Variants in ACSS2 observed in about 807,000 individuals in gnomAD.
ACSS2 encodes the protein acyl-CoA synthetase short chain family member 2.
Under a neutral mutation model 90.6 loss-of-function variants are expected in ACSS2, and 58 were observed. The ratio of observed to expected loss-of-function variants is 0.64; its 90% confidence interval spans 0.52 to 0.80. The LOEUF is 0.80. Ranked by LOEUF, ACSS2 falls within the 30% of genes least tolerant of loss-of-function variation. The pLI is 0.00. For synonymous variants in ACSS2, 300 were observed against 330.9 expected (o/e 0.91, Z 1.01); for missense variants, 759 against 912.0 (o/e 0.83, Z 2.16).
chr20:34,911,735 T>G (rs531742733), intron 2 of ACSS2, among the ~76,000 whole-genome samples: 1 of 152,368 alleles, frequency 6.6e-6, no homozygotes, highest in South Asian at 2.1e-4. Flanking sequence ...ATATTTGTTA[T>G]TTGTTTATTA....
chr20:34,903,753 G>T (rs1008321936), intron 2 of ACSS2, among the ~76,000 whole-genome samples: 1 of 151,706 alleles, frequency 6.6e-6, no homozygotes, highest in Non-Finnish European at 1.5e-5. Context: ...TATAAAGAGG[G>T]GAGCTGGGTG....
intron 2 of ACSS2, among the ~76,000 whole-genome samples, chr20:34,895,107 T>C (rs983378456): frequency 1.9e-4 from 29 of 152,332 alleles, no homozygotes; most frequent in Admixed American, 5.9e-4. Context: ...CTTAAAATTA[T>C]ATACCTAAAA....
At chr20:34,898,465 G>A (rs570898076) in intron 2 of ACSS2, among the ~76,000 whole-genome samples, 2 of 152,258 alleles carry the variant, frequency 1.3e-5, no homozygotes, top group East Asian at 3.9e-4. Flanking sequence ...GTCAATTGGT[G>A]CATTCACAAA....
Position 34,913,202 on chromosome 20 carries a change from G to A in ACSS2, c.466+15G>A, listed in dbSNP as rs372789849. On this transcript the variant is annotated intron_variant, in intron 3 of 17. Coordinates refer to ENST00000360596, the MANE Select transcript of ACSS2 (RefSeq NM_018677.4). ...CCGAAAACAGGGTGAGTGTGGGGGTGTGGGAAAGGACTGGGGGTCTGGCCT... is the reference window on the plus strand; with the variant it reads ...CCGAAAACAGGGTGAGTGTGGGGGTATGGGAAAGGACTGGGGGTCTGGCCT... 223 of 1,613,388 alleles carry A rather than the reference G, an allele frequency of 1.4e-4. No individual in the cohort carries two copies. Among genetic ancestry groups the A allele is most frequent in the Middle Eastern group, 8.3e-4 (5 of 6,056 alleles).
chr20:34,902,711 TTTAATTAATTAA>T (rs376201305), intron 2 of ACSS2, among the ~76,000 whole-genome samples: 3 of 151,816 alleles, frequency 2.0e-5, no homozygotes, highest in South Asian at 4.2e-4. Context: ...TTTATTGTTG[TTTAATTAATTAA>T]TTAATTAATT....
At chr20:34,904,235 ATTT>A (rs879944965) in intron 2 of ACSS2, among the ~76,000 whole-genome samples, 2 of 145,574 alleles carry the variant, frequency 1.4e-5, no homozygotes, top group Admixed American at 6.9e-5. Context: ...CGCAGGGAGT[ATTT>A]TTTTTTTTTT....
chr20:34,899,378 AT>A (rs889880837), intron 2 of ACSS2, among the ~76,000 whole-genome samples: 1 of 146,754 alleles, frequency 6.8e-6, no homozygotes, highest in Non-Finnish European at 1.5e-5. Flanking sequence ...ACGTTATCAC[AT>A]TTTTTTCTTT....
At chr20:34,900,546 G>A (rs1421780020) in intron 2 of ACSS2, among the ~76,000 whole-genome samples, 1 of 152,064 alleles carries the variant, frequency 6.6e-6, no homozygotes, top group Admixed American at 6.6e-5. Context: ...AATGTTTAGG[G>A]AGAAATTTCA....
chr20:34,881,944 G>A (rs1225712134), intron 1 of ACSS2, among the ~76,000 whole-genome samples: 1 of 152,158 alleles, frequency 6.6e-6, no homozygotes, highest in Non-Finnish European at 1.5e-5. Context: ...GAGAATGCAC[G>A]AATTAAGAGA....
intron 1 of ACSS2, among the ~76,000 whole-genome samples, chr20:34,881,352 T>G (rs1428903573): frequency 1.3e-5 from 2 of 152,058 alleles, no homozygotes; most frequent in Admixed American, 1.3e-4. Context: ...TAACTCTTGA[T>G]TCAGTACTCA....
At chr20:34,912,989 A>G in intron 2 of ACSS2, 107 bp from the exon 3 acceptor site, 1 of 860,552 alleles carries the variant, frequency 1.2e-6, no homozygotes, top group Non-Finnish European at 2.0e-6. Context: ...TCCTCATAGA[A>G]CAGTTCCAGG....
At chr20:34,900,928 A>G (rs2080641510) in intron 2 of ACSS2, among the ~76,000 whole-genome samples, 1 of 152,218 alleles carries the variant, frequency 6.6e-6, no homozygotes, top group African/African-American at 2.4e-5. Flanking sequence ...CATGTCATTT[A>G]GGAGGAGAAG....
At chr20:34,913,044 T>C in intron 2 of ACSS2, 52 bp from the exon 3 acceptor site, 1 of 1,402,648 alleles carries the variant, frequency 7.1e-7, no homozygotes, top group Non-Finnish European at 1.0e-6. Flanking sequence ...CTGTTTCTTG[T>C]TTGGGGAAGA....
intron 2 of ACSS2, among the ~76,000 whole-genome samples, chr20:34,912,260 C>T (rs1305192407): frequency 6.6e-6 from 1 of 152,196 alleles, no homozygotes; most frequent in Non-Finnish European, 1.5e-5. Context: ...AGACAGAAAT[C>T]ACCTGATAAA....
rs1453988508 is a variant in ACSS2 at position 34,927,001 on chromosome 20, G to A, written c.1978+50G>A. The A allele has an allele frequency of 1.9e-6, 3 of 1,614,108 alleles. No individual in the cohort carries two copies. The African/African-American group carries it at 4.0e-5, about 22-fold the overall frequency. On this transcript the variant is annotated intron_variant, in intron 17 of 17. Transcript: ENST00000360596. The surrounding 1 kb of genome is among the most constrained non-coding windows in gnomAD (Gnocchi z 4.2). ...TGGGATGGGCTGAGGCCTGGTGGTG[G>A]TGGGGTGTGCGTGGATGAAAGCCTT...
At chr20:34,924,722 C>T (rs2081280408) in intron 14 of ACSS2, among the ~76,000 whole-genome samples, 1 of 150,668 alleles carries the variant, frequency 6.6e-6, no homozygotes, top group African/African-American at 2.4e-5. Flanking sequence ...TTTTTTGAGA[C>T]AGAATCTCAC....
At chr20:34,919,670 A>T (rs1211418380) in intron 8 of ACSS2, 98 bp downstream of exon 8, 18 of 1,456,912 alleles carry the variant, frequency 1.2e-5, no homozygotes, top group Middle Eastern at 2.5e-4. Context: ...TAATGAAATT[A>T]TTTTTTTCCT....
chr20:34,897,382 G>T (rs531338743), intron 2 of ACSS2, among the ~76,000 whole-genome samples: 2 of 152,244 alleles, frequency 1.3e-5, no homozygotes, highest in South Asian at 4.1e-4. Context: ...TTCTCCTCCA[G>T]CTCTAGGCAA....
chr20:34,894,890 G>A (rs1037890881), intron 2 of ACSS2, among the ~76,000 whole-genome samples: 1 of 152,064 alleles, frequency 6.6e-6, no homozygotes, highest in African/African-American at 2.4e-5. Flanking sequence ...TCAGAGCCAG[G>A]GTTTCCCAAT....
Sources: allele counts gnomAD v4.1 joint callset (sites outside exome capture counted in the v4.1 genomes callset), GRCh38; gene constraint gnomAD v4.1.1; non-coding constraint Gnocchi (gnomAD v3.1); transcripts MANE v1.5; gene names NCBI Gene and HGNC (gene_info 2026-07-23, HGNC 2026-07-21).